The following PIP5K1B variants were observed in gnomAD, a reference collection of about 807,000 sequenced individuals.
PIP5K1B encodes phosphatidylinositol 4-phosphate 5-kinase type-1 beta.
In PIP5K1B, 42 loss-of-function variants were observed where a neutral mutation model predicts 67.0. The ratio of observed to expected loss-of-function variants is 0.63; its 90% CI spans 0.49 to 0.81. PIP5K1B has a LOEUF of 0.81. PIP5K1B is among the 30% of genes least tolerant of loss of function. The pLI is 0.00. For missense variants in PIP5K1B, 459 were observed against 646.3 expected, an observed-to-expected ratio of 0.71 and a Z score of 3.14; for synonymous variants, 214 against 231.4, an observed-to-expected ratio of 0.92 and a Z score of 0.68.
chr9:68,726,884 GGCT>G (rs1236707365), intron 1 of PIP5K1B, among the ~76,000 whole-genome samples: 5 of 152,080 alleles, frequency 3.3e-5, no homozygotes, highest in South Asian at 4.1e-4. Flanking sequence ...TTTCCGTGAC[GGCT>G]AATCATGTTG....
intron 13 of PIP5K1B, 43 bp downstream of exon 13, chr9:68,935,088 A>G (rs1395213678): frequency 1.3e-6 from 2 of 1,533,900 alleles, no homozygotes; most frequent in East Asian, 2.3e-5. Flanking sequence ...CGTTCTTGTG[A>G]TTTATTTATA....
chr9:68,804,588 A>ATTT (rs66469506), intron 2 of PIP5K1B, among the ~76,000 whole-genome samples: 1 of 125,492 alleles, frequency 8.0e-6, no homozygotes, highest in Non-Finnish European at 1.7e-5. Flanking sequence ...CTAGTTTTCA[A>ATTT]TTTTTTTTTT....
At chr9:68,942,631 C>T (rs1370961712) in intron 14 of PIP5K1B, among the ~76,000 whole-genome samples, 1 of 152,068 alleles carries the variant, frequency 6.6e-6, no homozygotes, top group Admixed American at 6.5e-5. Context: ...CCGCATGCTC[C>T]CAGAGCTGTG....
chr9:68,928,189 T>A (rs1240516594), intron 12 of PIP5K1B, among the ~76,000 whole-genome samples: 1 of 152,218 alleles, frequency 6.6e-6, no homozygotes, highest in Non-Finnish European at 1.5e-5. Context: ...TACCATACTA[T>A]CCTCATTACT....
At chr9:68,865,186 C>G (rs1823295827) in intron 5 of PIP5K1B, among the ~76,000 whole-genome samples, 1 of 151,944 alleles carries the variant, frequency 6.6e-6, no homozygotes, top group Non-Finnish European at 1.5e-5. Context: ...AACCAGATTC[C>G]AGGCAGAAAA....
intron 12 of PIP5K1B, among the ~76,000 whole-genome samples, chr9:68,932,144 G>A (rs1436629650): frequency 6.6e-6 from 1 of 152,104 alleles, no homozygotes; most frequent in East Asian, 1.9e-4. Flanking sequence ...ATGAGTATAG[G>A]TCTCCTGAGT....
Position 68,754,175 on chromosome 9 carries a change from C to CTTTTTTTT in PIP5K1B, c.-86+11523_-86+11530dup, listed in dbSNP as rs71353081. On this transcript the variant is annotated intron_variant, in intron 2 of 15. Coordinates refer to ENST00000265382, the MANE Select transcript of PIP5K1B (RefSeq NM_003558.4). ...AGTCTTCTTTTATGTTCCATGATTT[C>CTTTTTTTT]TTTTTTTTTTTTGAGACAGAGTCTC... Among the ~76,000 whole-genome samples, 20 of 101,068 alleles carry CTTTTTTTT rather than the reference C, an allele frequency of 2.0e-4. 2 individuals carry two copies. The highest frequency in any genetic ancestry group is 5.3e-4 in the African/African-American group (13 of 24,406). The allele number at this position is 101,068 out of a possible 152,430, so 66.3% of individuals were successfully genotyped here.
chr9:68,880,589 G>A (rs11144098), intron 6 of PIP5K1B, among the ~76,000 whole-genome samples: 2,749 of 34,990 alleles, frequency 0.079, 35 homozygotes, highest in Non-Finnish European at 0.13. Flanking sequence ...ACACACACAC[G>A]CATACACACA....
intron 1 of PIP5K1B, among the ~76,000 whole-genome samples, chr9:68,718,436 A>G (rs1827730925): frequency 6.6e-6 from 1 of 152,230 alleles, no homozygotes; most frequent in African/African-American, 2.4e-5. Context: ...AATAAAGAAT[A>G]ATTTGACGGT....
intron 2 of PIP5K1B, among the ~76,000 whole-genome samples, chr9:68,744,299 A>T (rs1326479684): frequency 6.6e-6 from 1 of 152,224 alleles, no homozygotes; most frequent in Non-Finnish European, 1.5e-5. Flanking sequence ...TGCCTTGAAC[A>T]AATAGGTTTC....
At chr9:68,857,959 T>TTTGTTGCTGTTG (rs1822868134) in intron 4 of PIP5K1B, among the ~76,000 whole-genome samples, 1 of 149,306 alleles carries the variant, frequency 6.7e-6, no homozygotes, top group Non-Finnish European at 1.5e-5. Context: ...CTCTTGCTGT[T>TTTGTTGCTGTTG]TTGTTGTTGT....
At chr9:68,710,608 C>A (rs1002976112) in intron 1 of PIP5K1B, among the ~76,000 whole-genome samples, 1 of 152,138 alleles carries the variant, frequency 6.6e-6, no homozygotes, top group African/African-American at 2.4e-5. Context: ...CACAGGAAAA[C>A]ACAGGAATCC....
At chr9:68,956,284 A>G (rs1828386451) in intron 14 of PIP5K1B, among the ~76,000 whole-genome samples, 1 of 152,198 alleles carries the variant, frequency 6.6e-6, no homozygotes, top group Non-Finnish European at 1.5e-5. Context: ...CAGTCTAGTC[A>G]ACATGGGAAA....
At chr9:68,969,718 G>A (rs1829253075) in intron 14 of PIP5K1B, among the ~76,000 whole-genome samples, 1 of 152,102 alleles carries the variant, frequency 6.6e-6, no homozygotes. Flanking sequence ...GGCCCTTCCG[G>A]GAATTGCTTT....
At chr9:69,008,293 G>A (rs1449488374) in intron 15 of PIP5K1B, among the ~76,000 whole-genome samples, 154 bp from the exon 16 acceptor site, 1 of 152,200 alleles carries the variant, frequency 6.6e-6, no homozygotes, top group East Asian at 1.9e-4. Flanking sequence ...TATATGCTAT[G>A]CTGATCATTG....
chr9:68,876,711 C>G lies in PIP5K1B; in HGVS notation c.235C>G (p.Pro79Ala). The change falls in exon 6 of 16, where the codon CCA becomes GCA. Residue 79 changes from proline to alanine, a missense_variant. Around this residue, in one of 2 missense-constraint regions of PIP5K1B, gnomAD observed 290 missense variants for 474.4 expected, o/e 0.61. Transcript: ENST00000265382. The stretch of plus-strand genomic sequence containing the variant: ...CAATCTGACCCCAGCACATCACTAC[C>G]CAGACTTTAGATTTAAGACATACGC... ...GSNLTPAHHY[P>A]DFRFKTYAPL... is the part of the protein sequence containing the mutation. 7 of 1,609,782 alleles carry G rather than the reference C, an allele frequency of 4.3e-6. No individual in the cohort carries two copies. Among genetic ancestry groups the G allele is most frequent in the South Asian group, 1.1e-5 (1 of 90,994 alleles).
chr9:68,747,381 G>A (rs916916989), intron 2 of PIP5K1B, among the ~76,000 whole-genome samples: 15 of 151,604 alleles, frequency 9.9e-5, no homozygotes, highest in African/African-American at 3.6e-4. Context: ...AGTTATTACT[G>A]CCACGTCGTT....
At chr9:68,997,861 A>G (rs2133002232) in intron 15 of PIP5K1B, among the ~76,000 whole-genome samples, 1 of 152,240 alleles carries the variant, frequency 6.6e-6, no homozygotes, top group African/African-American at 2.4e-5. Context: ...CTGTTTAAGG[A>G]TTAGCGTAGG....
At chr9:68,924,401 C>CGAAAAAAAAAAAAAAAAAAAAAAA (rs1341716504) in intron 12 of PIP5K1B, among the ~76,000 whole-genome samples, 1 of 86,768 alleles carries the variant, frequency 1.2e-5, no homozygotes, top group Non-Finnish European at 2.2e-5. Flanking sequence ...CACTGCGCCT[C>CGAAAAAAAAAAAAAAAAAAAAAAA]AAAAAAAAAA....
Sources: allele counts gnomAD v4.1 joint callset (sites outside exome capture counted in the v4.1 genomes callset), GRCh38; gene constraint gnomAD v4.1.1; regional missense constraint gnomAD v4.1.1; transcripts MANE v1.5; gene names NCBI Gene and HGNC (gene_info 2026-07-23, HGNC 2026-07-21).